EFHB: variants seen among roughly 807,000 people sequenced by gnomAD.
EFHB encodes EF-hand domain-containing family member B.
A neutral mutation model predicts 87.2 loss-of-function variants in EFHB; 91 were observed. The ratio of observed to expected loss-of-function variants is 1.04; its 90% CI spans 0.88 to 1.24. The LOEUF (loss-of-function observed/expected upper bound fraction) is 1.24. Ranked by LOEUF, EFHB falls within the 50% of genes most tolerant of loss-of-function variation. EFHB has a pLI of 0.00. For synonymous variants in EFHB, 325 were observed against 333.6 expected (o/e 0.97, Z 0.28); for missense variants, 1,084 against 998.8 (o/e 1.09, Z -1.15).
chr3:19,912,754 T>C (rs1387901084), intron 5 of EFHB, among the ~76,000 whole-genome samples: 2 of 152,198 alleles, frequency 1.3e-5, no homozygotes, highest in Non-Finnish European at 2.9e-5. Flanking sequence ...TTTTATTTTA[T>C]TTTTCTTTGT....
intron 1 of EFHB, chr3:19,946,369 A>C (rs937734340): frequency 1.3e-5 from 2 of 152,276 alleles, no homozygotes; most frequent in Non-Finnish European, 2.9e-5. Context: ...TAGGGAACAG[A>C]CGATTAACAA....
intron 4 of EFHB, among the ~76,000 whole-genome samples, chr3:19,916,277 G>A (rs1357475932): frequency 6.6e-6 from 1 of 152,142 alleles, no homozygotes; most frequent in Non-Finnish European, 1.5e-5. Context: ...CACTTTGGGA[G>A]GCTGAGGTGG....
chr3:19,901,213 T>C (rs1694659217), intron 6 of EFHB, among the ~76,000 whole-genome samples: 1 of 152,226 alleles, frequency 6.6e-6, no homozygotes, highest in African/African-American at 2.4e-5. Context: ...ATTAAAATGA[T>C]AATAATGGCT....
intron 5 of EFHB, among the ~76,000 whole-genome samples, chr3:19,911,611 A>G (rs1695066074): frequency 6.6e-6 from 1 of 151,922 alleles, no homozygotes; most frequent in African/African-American, 2.4e-5. Context: ...AATCAAGCAG[A>G]AATTCTGGAA....
chr3:19,918,812 TA>T (rs58871755), intron 3 of EFHB, among the ~76,000 whole-genome samples: 33,836 of 129,714 alleles, frequency 0.26, 5,813 homozygotes, highest in African/African-American at 0.51. Context: ...CCATAACTAC[TA>T]AAAAAAAAAA....
intron 10 of EFHB, among the ~76,000 whole-genome samples, chr3:19,886,736 T>A (rs1050841159): frequency 4.2e-5 from 5 of 119,852 alleles, no homozygotes; most frequent in East Asian, 2.8e-4. Context: ...ATAAACCAAC[T>A]AAAGTACAAC....
Position 19,879,529 on chromosome 3 carries a change from C to T in EFHB, c.*102G>A. 7.7e-7 allele frequency: 1 copy of T among 1,304,952 alleles called. No homozygotes were observed. Among genetic ancestry groups the T allele is most frequent in the Non-Finnish European group, 1.0e-6 (1 of 966,852 alleles). 80.8% of individuals were successfully genotyped at this position (1,304,952 alleles called of 1,614,324 possible). A position where few individuals can be genotyped will look rare whatever the true frequency, so the allele number is the denominator to read the frequency against. On this transcript the variant is annotated 3_prime_UTR_variant, in exon 13 of 13. Coordinates refer to ENST00000295824, the MANE Select transcript of EFHB (RefSeq NM_144715.4). ...ACATACAGGCATATGAGTCTTACCA[C>T]TGTGAACTCTAACATAATATCTAAA...
intron 7 of EFHB, among the ~76,000 whole-genome samples, chr3:19,899,138 G>A (rs920617190): frequency 3.9e-5 from 6 of 152,078 alleles, no homozygotes; most frequent in Admixed American, 3.9e-4. Context: ...CAGACAGACA[G>A]GAAAGACAAA....
At chr3:19,941,181 A>G in intron 1 of EFHB, 1 of 374,964 alleles carries the variant, frequency 2.7e-6, no homozygotes, top group South Asian at 3.3e-5. Flanking sequence ...CCAGGAAAAT[A>G]TCATGAATCT....
chr3:19,929,025 T>A (rs577058160), intron 1 of EFHB, among the ~76,000 whole-genome samples: 22 of 152,150 alleles, frequency 1.4e-4, no homozygotes, highest in Admixed American at 9.8e-4. Context: ...TAATTATAAG[T>A]TAAAGAAACA....
intron 5 of EFHB, among the ~76,000 whole-genome samples, chr3:19,907,787 T>C (rs1488652414): frequency 5.3e-5 from 8 of 152,310 alleles, no homozygotes; most frequent in Admixed American, 3.3e-4. Context: ...GGAGTAAAGA[T>C]ATTCAGCCTC....
intron 1 of EFHB, among the ~76,000 whole-genome samples, chr3:19,928,635 G>T (rs1695716243): frequency 1.3e-5 from 2 of 152,200 alleles, no homozygotes; most frequent in Non-Finnish European, 2.9e-5. Flanking sequence ...AGTAGAGACG[G>T]AGTTTTGCCA....
At chr3:19,941,086 G>A in intron 1 of EFHB, 1 of 373,230 alleles carries the variant, frequency 2.7e-6, no homozygotes. Flanking sequence ...AGCTTCATTA[G>A]GGCTGATGCT....
Position 19,918,215 on chromosome 3 carries a change from AT to A in EFHB, c.1177+16del, listed in dbSNP as rs534260126. Reference sequence around the variant, plus strand: ...TTTTACCAGCCCCTTCCCACCCCTTATTTTTTTTTTTACTACCTTTGATGAC... The same window carrying A: ...TTTTACCAGCCCCTTCCCACCCCTTATTTTTTTTTTACTACCTTTGATGAC... On this transcript the variant is annotated intron_variant, in intron 4 of 12. Coordinates refer to ENST00000295824, the MANE Select transcript of EFHB (RefSeq NM_144715.4). 33,264 of 1,014,682 alleles carry A rather than the reference AT, an allele frequency of 0.033. 22 individuals are homozygous for A. Among genetic ancestry groups the A allele is most frequent in the South Asian group, 0.061 (3,357 of 55,304 alleles). The allele number at this position is 1,014,682 out of a possible 1,614,324, so 62.9% of individuals were successfully genotyped here.
At chr3:19,920,069 G>A (rs1695384700) in intron 2 of EFHB, 93 bp from the exon 3 acceptor site, 1 of 1,332,286 alleles carries the variant, frequency 7.5e-7, no homozygotes. Flanking sequence ...AACCTTAAGT[G>A]CATGTATGTA....
rs140049548 is a variant in EFHB at position 19,890,715 on chromosome 3, C to A, written c.1726-2064G>T. On this transcript the variant is annotated intron_variant, in intron 9 of 12. Coordinates refer to ENST00000295824, the MANE Select transcript of EFHB (RefSeq NM_144715.4). The stretch of plus-strand genomic sequence containing the variant: ...TACAAGTCTATAACTGGTGGTTTTG[C>A]CAATTAGAGCCTCTGGAAAAGAAAG... Among the ~76,000 whole-genome samples the A allele has an allele frequency of 1.9e-3, 291 of 152,222 alleles. 1 individual carries two copies. Among genetic ancestry groups the A allele is most frequent in the African/African-American group, 6.6e-3 (276 of 41,510 alleles).
intron 5 of EFHB, among the ~76,000 whole-genome samples, chr3:19,914,733 C>A (rs1872736): frequency 6.6e-6 from 1 of 151,804 alleles, no homozygotes; most frequent in African/African-American, 2.4e-5. Flanking sequence ...TGAACCTGAT[C>A]TGATTCAAAA....
chr3:19,906,346 A>G (rs1421114211), intron 5 of EFHB, among the ~76,000 whole-genome samples: 2 of 152,328 alleles, frequency 1.3e-5, no homozygotes, highest in East Asian at 3.9e-4. Context: ...AAAAGAACTA[A>G]TAAGTGAATT....
At chr3:19,924,361 A>T (rs1433230295) in intron 1 of EFHB, among the ~76,000 whole-genome samples, 1 of 151,732 alleles carries the variant, frequency 6.6e-6, no homozygotes, top group Non-Finnish European at 1.5e-5. Flanking sequence ...ATACAGGCAC[A>T]TGCCACCACG....
Sources: gnomAD v4.1 joint callset for allele counts (sites outside exome capture counted in the v4.1 genomes callset) on GRCh38, gnomAD v4.1.1 for gene constraint, MANE v1.5 for transcripts, NCBI Gene and HGNC (gene_info 2026-07-23, HGNC 2026-07-21) for gene names.